Variants in SGK1 observed in about 807,000 individuals in gnomAD.
The protein encoded by SGK1 is serine/threonine-protein kinase Sgk1.
In SGK1, 26 loss-of-function variants were observed where a neutral mutation model predicts 64.2. The observed-to-expected ratio is 0.40, with a 90% CI of 0.30 to 0.56. SGK1 has a LOEUF of 0.56. Among genes scored for constraint, SGK1 ranks in the 20% least tolerant of loss-of-function variants. The pLI is 0.38. For synonymous variants in SGK1, 265 were observed against 239.7 expected, an observed-to-expected ratio of 1.11 and a Z score of -0.98; for missense variants, 519 against 645.6, an observed-to-expected ratio of 0.80 and a Z score of 2.12.
At chr6:134,193,505 C>T (rs1775547481) in intron 3 of SGK1, among the ~76,000 whole-genome samples, 2 of 151,932 alleles carry the variant, frequency 1.3e-5, no homozygotes, top group African/African-American at 4.8e-5. Flanking sequence ...CTACAGGGAT[C>T]TTCTCCCTTT....
intron 2 of SGK1, among the ~76,000 whole-genome samples, chr6:134,208,445 T>G (rs1028591298): frequency 6.6e-6 from 1 of 152,080 alleles, no homozygotes. Flanking sequence ...ATAAGTTCTT[T>G]AGTGGTAATC....
chr6:134,312,295 G>A (rs965892753), intron 1 of SGK1, among the ~76,000 whole-genome samples: 10 of 152,168 alleles, frequency 6.6e-5, no homozygotes, highest in African/African-American at 2.4e-4. Context: ...AGAAGACATC[G>A]AAAGTTTCCC....
At chr6:134,296,822 AG>A (rs1777356628) in intron 1 of SGK1, among the ~76,000 whole-genome samples, 1 of 135,112 alleles carries the variant, frequency 7.4e-6, no homozygotes, top group African/African-American at 2.7e-5. Context: ...TTGTAGCTGG[AG>A]GCATGGGCAA....
At chr6:134,309,538 G>A (rs1400852454) in intron 1 of SGK1, among the ~76,000 whole-genome samples, 1 of 152,180 alleles carries the variant, frequency 6.6e-6, no homozygotes, top group Non-Finnish European at 1.5e-5. Context: ...CCTCATTTCT[G>A]GGCCAGAAGG....
chr6:134,255,822 T>A (rs1206092419), intron 2 of SGK1, among the ~76,000 whole-genome samples: 2 of 151,944 alleles, frequency 1.3e-5, no homozygotes, highest in African/African-American at 4.8e-5. Context: ...TGACCTCAGG[T>A]GATCTGCCCT....
At chr6:134,234,901 A>C (rs886343725) in intron 2 of SGK1, among the ~76,000 whole-genome samples, 20 of 152,204 alleles carry the variant, frequency 1.3e-4, no homozygotes, top group African/African-American at 4.8e-4. Flanking sequence ...AAATAAGACT[A>C]ATTGGAAAAC....
Position 134,317,854 on chromosome 6 carries a change from T to C in SGK1, c.-394A>G. 2 of 193,868 alleles carry C rather than the reference T, an allele frequency of 1.0e-5. No homozygotes were observed. The highest frequency in any genetic ancestry group is 2.1e-5 in the Non-Finnish European group (2 of 94,868). The allele number at this position is 193,868 out of a possible 1,614,324, so 12.0% of individuals were successfully genotyped here. A position where few individuals can be genotyped will look rare whatever the true frequency, so the allele number is the denominator to read the frequency against. ...GCGGCCGGCGCGGGGAGCGAGTCGC[T>C]CTTCTCCAGGTGATGCGCTCCTGGA... is the stretch of plus-strand genomic sequence containing the variant. On this transcript the variant is annotated 5_prime_UTR_variant, in exon 1 of 14. Coordinates refer to ENST00000367858, the MANE Select transcript of SGK1 (RefSeq NM_001143676.3).
chr6:134,206,368 TATATATATATATA>T (rs1391435920), intron 3 of SGK1, among the ~76,000 whole-genome samples: 143 of 8,696 alleles, frequency 0.016, no homozygotes, highest in Non-Finnish European at 0.019. Flanking sequence ...TATATATATA[TATATATATATATA>T]TATTTTTTTT....
At chr6:134,215,495 A>G (rs894570081) in intron 2 of SGK1, among the ~76,000 whole-genome samples, 1 of 152,136 alleles carries the variant, frequency 6.6e-6, no homozygotes, top group Non-Finnish European at 1.5e-5. Context: ...CAGTTAATGG[A>G]AAGTTGAATT....
chr6:134,201,041 T>A lies in SGK1; in HGVS notation c.361+6315A>T, dbSNP rs114723454. Reference sequence around the variant, plus strand: ...AAATGACAAAAACATTGTCATTTTTTGTATTATTTCTTTTTCTTTTCTTCT... The same window carrying A: ...AAATGACAAAAACATTGTCATTTTTAGTATTATTTCTTTTTCTTTTCTTCT... On this transcript the variant is annotated intron_variant, in intron 3 of 13. Transcript: ENST00000367858. Among the ~76,000 whole-genome samples the A allele has an allele frequency of 7.0e-3, 1,057 of 151,586 alleles. 21 individuals carry two copies. The highest frequency in any genetic ancestry group is 0.024 in the African/African-American group (1,010 of 41,492).
intron 2 of SGK1, among the ~76,000 whole-genome samples, chr6:134,247,142 T>G (rs1283393264): frequency 6.6e-6 from 1 of 152,064 alleles, no homozygotes; most frequent in Non-Finnish European, 1.5e-5. Flanking sequence ...CCATTCCTTA[T>G]CCTTCCCCAC....
chr6:134,172,862 G>A (rs1439684070), intron 8 of SGK1, 88 bp from the exon 9 acceptor site: 10 of 1,208,460 alleles, frequency 8.3e-6, no homozygotes, highest in African/African-American at 3.0e-5. Context: ...TGCAGGAAGT[G>A]GCCCCAAGTA....
chr6:134,237,596 G>A (rs1776384767), intron 2 of SGK1, among the ~76,000 whole-genome samples: 1 of 152,080 alleles, frequency 6.6e-6, no homozygotes, highest in South Asian at 2.1e-4. Flanking sequence ...AGAATCGCTT[G>A]AACCCGGGAA....
chr6:134,296,776 C>CAA (rs869144600), intron 1 of SGK1, among the ~76,000 whole-genome samples: 479 of 66,448 alleles, frequency 7.2e-3, no homozygotes, highest in East Asian at 0.032. Context: ...TATTTTGGAC[C>CAA]AAAAAAAAAA....
chr6:134,310,126 A>G (rs970790438), intron 1 of SGK1, among the ~76,000 whole-genome samples: 1 of 149,126 alleles, frequency 6.7e-6, no homozygotes, highest in Non-Finnish European at 1.5e-5. Context: ...CTTGTTAAGC[A>G]CTTACAGATC....
chr6:134,185,854 T>G (rs1775414054), intron 3 of SGK1, among the ~76,000 whole-genome samples: 1 of 152,020 alleles, frequency 6.6e-6, no homozygotes. Flanking sequence ...CTGGAGAACC[T>G]GATGTCCGAA....
Position 134,170,038 on chromosome 6 carries a change from G to T in SGK1, c.*230C>A. The stretch of plus-strand genomic sequence containing the variant: ...GCGGCACTCTAACGCTCGTTTCAGA[G>T]ATAGCACCACGTTGGAAGGAAGAAT... On this transcript the variant is annotated 3_prime_UTR_variant, in exon 14 of 14. Coordinates refer to ENST00000367858, the MANE Select transcript of SGK1 (RefSeq NM_001143676.3). The T allele has an allele frequency of 2.9e-6, 1 of 347,874 alleles. No homozygotes were observed. The allele number at this position is 347,874 out of a possible 1,614,324, so 21.5% of individuals were successfully genotyped here.
chr6:134,205,371 G>T (rs1775752880), intron 3 of SGK1, among the ~76,000 whole-genome samples: 1 of 151,094 alleles, frequency 6.6e-6, no homozygotes, highest in Non-Finnish European at 1.5e-5. Context: ...AAACAAGACA[G>T]AAAACAATTT....
intron 3 of SGK1, chr6:134,177,894 C>CAGT: frequency 6.7e-7 from 1 of 1,502,562 alleles, no homozygotes; most frequent in Non-Finnish European, 9.0e-7. Context: ...AATTTAAGTA[C>CAGT]AGGAAGGGAG....
Sources: allele counts gnomAD v4.1 joint callset (sites outside exome capture counted in the v4.1 genomes callset), GRCh38; gene constraint gnomAD v4.1.1; transcripts MANE v1.5; gene names NCBI Gene and HGNC (gene_info 2026-07-23, HGNC 2026-07-21).